The following SKAP1 variants were observed in gnomAD, a reference collection of about 807,000 sequenced individuals.
SKAP1 encodes the protein src kinase associated phosphoprotein 1.
SKAP1 carries 44 observed loss-of-function variants against 58.5 expected under a neutral mutation model. That is an observed-to-expected ratio of 0.75 (90% CI 0.59 to 0.97). The LOEUF (loss-of-function observed/expected upper bound fraction) is 0.97, where lower values mean the gene tolerates loss of function less well. Among genes scored for constraint, SKAP1 ranks in the 50% least tolerant of loss-of-function variants. The probability of loss-of-function intolerance (pLI) is 0.00; values close to 1 mark genes in which losing one functional copy is unlikely to be tolerated. For missense variants in SKAP1, 390 were observed against 435.2 expected, an observed-to-expected ratio of 0.90 and a Z score of 0.92; for synonymous variants, 127 against 149.7, an observed-to-expected ratio of 0.85 and a Z score of 1.11.
At chr17:48,184,011 C>A (rs1323540291) in intron 7 of SKAP1, among the ~76,000 whole-genome samples, 1 of 145,210 alleles carries the variant, frequency 6.9e-6, no homozygotes, top group East Asian at 2.0e-4. Flanking sequence ...CACACACATG[C>A]AAACATACAT....
chr17:48,351,964 T>G (rs1370668036), intron 3 of SKAP1, among the ~76,000 whole-genome samples: 1 of 151,986 alleles, frequency 6.6e-6, no homozygotes, highest in African/African-American at 2.4e-5. Flanking sequence ...TTTCTTTTTT[T>G]CCCTCAAGAA....
rs1302415089 is a variant in SKAP1 at position 48,349,934 on chromosome 17, A to T, written c.179-3928T>A. ...TGAAACAATAGTCTTGGCCACTAGA[A>T]GTTGGCTTTTTCTGCCACAGATTCA... On this transcript the variant is annotated intron_variant, in intron 3 of 12. Coordinates refer to ENST00000336915, the MANE Select transcript of SKAP1 (RefSeq NM_003726.4). 3.3e-5 allele frequency among the ~76,000 whole-genome samples: 5 copies of T among 152,224 alleles called. No homozygotes were observed. The South Asian group carries it at 8.3e-4, about 25-fold the overall frequency.
rs563162916 is a variant in SKAP1 at position 48,301,504 on chromosome 17, A to C, written c.280+44401T>G. Among the ~76,000 whole-genome samples, 5 of 152,230 alleles carry C rather than the reference A, an allele frequency of 3.3e-5. No individual in the cohort carries two copies. The East Asian group carries it at 9.7e-4, about 29-fold the overall frequency. ...GAGATGGAGTCTCGCTCTGTCACCC[A>C]GGCTGGAGTGCAGTGGCGTGATCTC... On this transcript the variant is annotated intron_variant, in intron 4 of 12. Coordinates refer to ENST00000336915, the MANE Select transcript of SKAP1 (RefSeq NM_003726.4).
At chr17:48,391,537 C>T (rs1403768343) in intron 2 of SKAP1, among the ~76,000 whole-genome samples, 1 of 152,184 alleles carries the variant, frequency 6.6e-6, no homozygotes, top group Non-Finnish European at 1.5e-5. Context: ...GTTGTGAAAT[C>T]TCAACATTCA....
At chr17:48,192,611 C>T (rs1482997303) in intron 4 of SKAP1, among the ~76,000 whole-genome samples, 4 of 152,106 alleles carry the variant, frequency 2.6e-5, no homozygotes, top group Admixed American at 6.5e-5. Flanking sequence ...CAGGCCCCAG[C>T]GGGGTGACAG....
At chr17:48,238,374 A>C (rs1691203526) in intron 4 of SKAP1, among the ~76,000 whole-genome samples, 1 of 152,140 alleles carries the variant, frequency 6.6e-6, no homozygotes, top group Non-Finnish European at 1.5e-5. Context: ...GTAGTCATGA[A>C]ACTTGACATA....
chr17:48,368,356 C>T (rs779634286), intron 2 of SKAP1, among the ~76,000 whole-genome samples: 8 of 152,188 alleles, frequency 5.3e-5, no homozygotes, highest in Non-Finnish European at 1.0e-4. Flanking sequence ...CCAATTCTTA[C>T]CCTTTTTCTG....
intron 1 of SKAP1, among the ~76,000 whole-genome samples, chr17:48,417,445 A>G (rs552249299): frequency 6.6e-6 from 1 of 152,324 alleles, no homozygotes; most frequent in East Asian, 1.9e-4. Flanking sequence ...AATATATTCT[A>G]TAGAAACATC....
intron 4 of SKAP1, among the ~76,000 whole-genome samples, chr17:48,232,254 A>G (rs2065133737): frequency 1.3e-5 from 2 of 152,232 alleles, no homozygotes; most frequent in Non-Finnish European, 2.9e-5. Context: ...GGGCACCACC[A>G]TTTTAGACTT....
At position 48,215,971 on chromosome 17, in the gene SKAP1, C is replaced by T. The variant is rs1436830337; in HGVS notation, c.281-26471G>A. 7.2e-5 allele frequency among the ~76,000 whole-genome samples: 11 copies of T among 152,232 alleles called. 1 individual carries two copies. Among genetic ancestry groups the T allele is most frequent in the Admixed American group, 7.2e-4 (11 of 15,278 alleles). The stretch of plus-strand genomic sequence containing the variant: ...GCCCTTTACTCCCAGGCCTGTTCCT[C>T]CTCACTTAAACAGCTGGCTTTCAGC... On this transcript the variant is annotated intron_variant, in intron 4 of 12. Transcript: ENST00000336915.
intron 10 of SKAP1, among the ~76,000 whole-genome samples, chr17:48,164,687 G>A (rs193271828): frequency 1.3e-3 from 205 of 152,304 alleles, no homozygotes; most frequent in African/African-American, 4.6e-3. Flanking sequence ...CAGGAATCCA[G>A]GAGATGGTTT....
intron 2 of SKAP1, among the ~76,000 whole-genome samples, chr17:48,388,202 G>A (rs1265758671): frequency 3.3e-5 from 5 of 152,080 alleles, no homozygotes; most frequent in African/African-American, 9.7e-5. Flanking sequence ...TTGGGATGCC[G>A]AGGCAGGCGG....
intron 4 of SKAP1, among the ~76,000 whole-genome samples, chr17:48,320,781 C>T (rs567293142): frequency 1.3e-5 from 2 of 151,990 alleles, no homozygotes; most frequent in Non-Finnish European, 2.9e-5. Flanking sequence ...AAAGAAAAAG[C>T]ATTTCTTACT....
At chr17:48,372,495 GGGTT>G (rs2067100167) in intron 2 of SKAP1, among the ~76,000 whole-genome samples, 2 of 151,236 alleles carry the variant, frequency 1.3e-5, no homozygotes, top group East Asian at 3.9e-4. Context: ...TAGTAGACAG[GGGTT>G]TCTCCATGTT....
At chr17:48,403,268 TGA>T (rs1172777770) in intron 1 of SKAP1, among the ~76,000 whole-genome samples, 1 of 151,460 alleles carries the variant, frequency 6.6e-6, no homozygotes, top group Non-Finnish European at 1.5e-5. Flanking sequence ...CTTGGGAGGC[TGA>T]GACAGTAGGA....
chr17:48,397,515 C>G (rs1281053070), intron 1 of SKAP1, among the ~76,000 whole-genome samples: 1 of 152,176 alleles, frequency 6.6e-6, no homozygotes. Flanking sequence ...CGTGAGCCAC[C>G]GCGCCCGGCC....
At chr17:48,314,245 A>G (rs538134253) in intron 4 of SKAP1, among the ~76,000 whole-genome samples, 4 of 152,146 alleles carry the variant, frequency 2.6e-5, no homozygotes, top group Non-Finnish European at 5.9e-5. Context: ...ATGACAGTCG[A>G]TTTTCCTTTA....
rs544685198 is a variant in SKAP1 at position 48,411,292 on chromosome 17, C to T, written c.47-14507G>A. 5.9e-5 allele frequency among the ~76,000 whole-genome samples: 9 copies of T among 151,598 alleles called. No homozygotes were observed. The East Asian group carries it at 1.8e-3, about 30-fold the overall frequency. On this transcript the variant is annotated intron_variant, in intron 1 of 12. Transcript: ENST00000336915. ...GTGCCTACCTGTAATCCCAGATACT[C>T]GAGAGGCTGAGGCAGGAGAATTGTT...
chr17:48,416,344 G>C (rs2067731284), intron 1 of SKAP1, among the ~76,000 whole-genome samples: 1 of 152,146 alleles, frequency 6.6e-6, no homozygotes, highest in Admixed American at 6.5e-5. Context: ...GGGTGGAAAA[G>C]GGTAGAGGGA....
Sources: allele counts gnomAD v4.1 joint callset (sites outside exome capture counted in the v4.1 genomes callset), GRCh38; gene constraint gnomAD v4.1.1; transcripts MANE v1.5; gene names NCBI Gene and HGNC (gene_info 2026-07-23, HGNC 2026-07-21).